PRKCB: variants seen among roughly 807,000 people sequenced by gnomAD.
PRKCB encodes the protein protein kinase C beta, also known as protein kinase C beta type.
Under a neutral mutation model 81.5 loss-of-function variants are expected in PRKCB, and 13 were observed. The ratio of observed to expected loss-of-function variants is 0.16; its 90% CI spans 0.10 to 0.25. The LOEUF (loss-of-function observed/expected upper bound fraction) is 0.25. Among genes scored for constraint, PRKCB ranks in the 10% least tolerant of loss-of-function variants. PRKCB has a pLI of 1.00. For synonymous variants in PRKCB, 335 were observed against 321.4 expected (o/e 1.04, Z -0.45); for missense variants, 509 against 875.7 (o/e 0.58, Z 5.29).
At chr16:24,049,084 A>C (rs912296743) in intron 5 of PRKCB, among the ~76,000 whole-genome samples, 36 of 108,604 alleles carry the variant, frequency 3.3e-4, no homozygotes, top group African/African-American at 1.3e-3. Flanking sequence ...TTTTGCAGAA[A>C]GACAGATTTC....
intron 2 of PRKCB, among the ~76,000 whole-genome samples, chr16:23,984,926 G>A (rs1199210391): frequency 6.6e-6 from 1 of 152,058 alleles, no homozygotes; most frequent in African/African-American, 2.4e-5. Context: ...CTACGACAGG[G>A]GGAAAAGAGA....
At chr16:24,068,795 A>G (rs1351951944) in intron 5 of PRKCB, among the ~76,000 whole-genome samples, 1 of 152,244 alleles carries the variant, frequency 6.6e-6, no homozygotes, top group Non-Finnish European at 1.5e-5. Flanking sequence ...AATTATTTTT[A>G]AAGAAGGGTG....
At chr16:23,981,516 G>C (rs1397629275) in intron 2 of PRKCB, among the ~76,000 whole-genome samples, 1 of 152,072 alleles carries the variant, frequency 6.6e-6, no homozygotes, top group Non-Finnish European at 1.5e-5. Context: ...GTCGGGGGTA[G>C]GGGATGGGAA....
At chr16:24,148,860 T>A (rs1967032853) in intron 9 of PRKCB, among the ~76,000 whole-genome samples, 1 of 152,216 alleles carries the variant, frequency 6.6e-6, no homozygotes, top group Non-Finnish European at 1.5e-5. Context: ...CTATAATATT[T>A]CCTGCTTGGC....
intron 5 of PRKCB, among the ~76,000 whole-genome samples, chr16:24,074,451 T>A (rs1317806973): frequency 6.6e-6 from 1 of 152,228 alleles, no homozygotes; most frequent in Admixed American, 6.5e-5. Flanking sequence ...ATAAGGTTCT[T>A]GTAAGGATTC....
At chr16:23,847,613 A>C (rs1403989516) in intron 2 of PRKCB, among the ~76,000 whole-genome samples, 1 of 144,760 alleles carries the variant, frequency 6.9e-6, no homozygotes, top group South Asian at 2.2e-4. Context: ...TTCATTTAAT[A>C]TATATTTATT....
intron 3 of PRKCB, among the ~76,000 whole-genome samples, chr16:23,995,854 C>G (rs1237386547): frequency 6.6e-6 from 1 of 152,202 alleles, no homozygotes; most frequent in South Asian, 2.1e-4. Context: ...GACTAGGACC[C>G]AGTTTACAGA....
chr16:23,971,888 G>A (rs1194277403), intron 2 of PRKCB, among the ~76,000 whole-genome samples: 1 of 152,088 alleles, frequency 6.6e-6, no homozygotes, highest in East Asian at 1.9e-4. Flanking sequence ...GTTACAGTAT[G>A]ATACAGCAAT....
rs1038051797 is a variant in PRKCB, at chr16:24,218,400, G to T, written c.*3584G>T. The T allele has an allele frequency of 2.0e-6, 2 of 985,142 alleles. No individual in the cohort carries two copies. The highest frequency in any genetic ancestry group is 2.4e-6 in the Non-Finnish European group (2 of 829,946). The allele number at this position is 985,142 out of a possible 1,614,324, so 61.0% of individuals were successfully genotyped here. A position where few individuals can be genotyped will look rare whatever the true frequency, so the allele number is the denominator to read the frequency against. On this transcript the variant is annotated 3_prime_UTR_variant, in exon 17 of 17. Transcript: ENST00000643927. ...AAGCAGGACAAGACAAAAAGGGCAG[G>T]TGGGACATGGTAGAGATGGACCCTA...
intron 3 of PRKCB, among the ~76,000 whole-genome samples, chr16:23,992,156 C>A (rs1365460056): frequency 1.3e-5 from 2 of 152,218 alleles, no homozygotes; most frequent in African/African-American, 2.4e-5. Flanking sequence ...GTGCCTTGAT[C>A]TTGTACTTTC....
intron 3 of PRKCB, among the ~76,000 whole-genome samples, chr16:24,021,505 G>A (rs1251078484): frequency 6.6e-6 from 1 of 151,642 alleles, no homozygotes. Context: ...TCTGGTTTGG[G>A]GGTGGCAGGG....
chr16:24,127,188 T>G (rs886114714), intron 9 of PRKCB, among the ~76,000 whole-genome samples: 12 of 151,426 alleles, frequency 7.9e-5, no homozygotes, highest in South Asian at 2.1e-4. Flanking sequence ...CCACTTTTAG[T>G]AGAGACGGGG....
intron 2 of PRKCB, among the ~76,000 whole-genome samples, chr16:23,909,685 G>A (rs6497701): frequency 0.96 from 146,962 of 152,314 alleles, 70,941 homozygotes; most frequent in East Asian, 1. Flanking sequence ...GCTCCCACTT[G>A]TAAGTGAGAA....
chr16:23,856,924 G>A (rs1307357087), intron 2 of PRKCB, among the ~76,000 whole-genome samples: 2 of 152,204 alleles, frequency 1.3e-5, no homozygotes, highest in South Asian at 2.1e-4. Context: ...AATGTAGTTC[G>A]AATATCACTG....
chr16:24,023,308 G>A lies in PRKCB; in HGVS notation c.289-8828G>A, dbSNP rs182821726. 3.6e-3 allele frequency among the ~76,000 whole-genome samples: 550 copies of A among 152,340 alleles called. 1 individual carries two copies. The highest frequency in any genetic ancestry group is 5.5e-3 in the Non-Finnish European group (375 of 68,032). The stretch of plus-strand genomic sequence containing the variant: ...GGATTCCCAGACTCATCTCAGGCTT[G>A]GTCAATACCCACAGCATCAAGGCTA... On this transcript the variant is annotated intron_variant, in intron 3 of 16. Coordinates refer to ENST00000643927, the MANE Select transcript of PRKCB (RefSeq NM_002738.7).
intron 2 of PRKCB, among the ~76,000 whole-genome samples, chr16:23,838,629 C>T (rs578010559): frequency 6.6e-6 from 1 of 152,324 alleles, no homozygotes; most frequent in African/African-American, 2.4e-5. Context: ...CGTGATTTAG[C>T]ACTGACTGAC....
intron 5 of PRKCB, among the ~76,000 whole-genome samples, chr16:24,084,914 C>G (rs1189412856): frequency 6.6e-6 from 1 of 151,982 alleles, no homozygotes; most frequent in Non-Finnish European, 1.5e-5. Context: ...GCATGAAGCC[C>G]CTATGTGTGA....
At chr16:24,117,465 A>C (rs1455671631) in intron 8 of PRKCB, among the ~76,000 whole-genome samples, 2 of 152,184 alleles carry the variant, frequency 1.3e-5, no homozygotes, top group Non-Finnish European at 2.9e-5. Context: ...ACTGTGTGCC[A>C]TTTATGATTC....
intron 9 of PRKCB, among the ~76,000 whole-genome samples, chr16:24,135,687 G>A (rs1266439202): frequency 3.9e-5 from 6 of 152,092 alleles, no homozygotes; most frequent in Admixed American, 3.3e-4. Context: ...AGATTAAAAG[G>A]CAGCTTAGTT....
Sources: allele counts gnomAD v4.1 joint callset (sites outside exome capture counted in the v4.1 genomes callset), GRCh38; gene constraint gnomAD v4.1.1; transcripts MANE v1.5; gene names NCBI Gene and HGNC (gene_info 2026-07-23, HGNC 2026-07-21).